Variants in SPAST observed in about 807,000 individuals in gnomAD.
SPAST encodes spastin.
SPAST carries 30 observed loss-of-function variants against 76.6 expected under a neutral mutation model. The observed-to-expected ratio is 0.39, with a 90% CI of 0.29 to 0.53. The LOEUF is 0.53. Among genes scored for constraint, SPAST ranks in the 20% least tolerant of loss-of-function variants. The pLI is 0.68. For missense variants in SPAST, 717 were observed against 770.5 expected, an observed-to-expected ratio of 0.93 and a Z score of 0.82; for synonymous variants, 305 against 281.0, an observed-to-expected ratio of 1.09 and a Z score of -0.86.
At position 32,141,895 on chromosome 2, in the gene SPAST, T is replaced by A; in HGVS notation, c.1494-9T>A. 6.2e-7 allele frequency: 1 copy of A among 1,608,648 alleles called. No individual in the cohort carries two copies. The highest frequency in any genetic ancestry group is 1.3e-5 in the African/African-American group (1 of 74,908). On this transcript the variant is annotated splice_polypyrimidine_tract_variant and intron_variant, in intron 12 of 16. Transcript: ENST00000315285. ...TATATTTCTAAAAGTGCTGGATTTT[T>A]TTTTTTAGGCGTTTCATCAAACGGG...
At chr2:32,129,527 AAG>A (rs1320781002) in intron 9 of SPAST, 2 of 152,182 alleles carry the variant, frequency 1.3e-5, no homozygotes, top group African/African-American at 4.8e-5. Context: ...ACAGTGCTTA[AAG>A]AGAGTAATTT....
intron 8 of SPAST, chr2:32,127,376 C>T (rs545786930): frequency 5.6e-5 from 17 of 303,036 alleles, no homozygotes; most frequent in Non-Finnish European, 9.6e-5. Flanking sequence ...CCTGGGCCTC[C>T]TAAAGTGATG....
chr2:32,132,512 A>G (rs955705675), intron 9 of SPAST, among the ~76,000 whole-genome samples: 4 of 149,486 alleles, frequency 2.7e-5, no homozygotes, highest in African/African-American at 9.8e-5. Context: ...TACATACTTG[A>G]TTTAACAAAA....
In SPAST at chr2:32,154,725, C is replaced by A. The variant is rs1573187140; in HGVS notation, c.*229C>A. ...CCTTGCCTTGATGGTCACAGTTATC[C>A]CAATGGACACTAAGTTAGAGCACAA... is the stretch of plus-strand genomic sequence containing the variant. On this transcript the variant is annotated 3_prime_UTR_variant, in exon 17 of 17. Coordinates refer to ENST00000315285, the MANE Select transcript of SPAST (RefSeq NM_014946.4). The A allele has an allele frequency of 1.9e-6, 1 of 519,108 alleles. No individual in the cohort carries two copies. 32.2% of individuals were successfully genotyped at this position (519,108 alleles called of 1,614,324 possible).
chr2:32,070,951 A>G (rs909054596), intron 1 of SPAST, among the ~76,000 whole-genome samples: 2 of 152,260 alleles, frequency 1.3e-5, no homozygotes, highest in African/African-American at 4.8e-5. Flanking sequence ...AGCAGAAACA[A>G]AAATAGAATT....
intron 4 of SPAST, among the ~76,000 whole-genome samples, chr2:32,102,685 G>A (rs77408012): frequency 0.3 from 44,428 of 149,862 alleles, 5,937 homozygotes; most frequent in East Asian, 0.49. Context: ...ATGAAGGGCT[G>A]TTGAATTTTG....
intron 15 of SPAST, among the ~76,000 whole-genome samples, chr2:32,146,552 TAGTG>T (rs1383296818): frequency 1.3e-5 from 2 of 149,784 alleles, no homozygotes; most frequent in Non-Finnish European, 1.5e-5. Flanking sequence ...GTGGGTGACA[TAGTG>T]AGGTGCTGTC....
At chr2:32,144,875 A>C in intron 14 of SPAST, 62 bp from the exon 15 acceptor site, 1 of 1,159,592 alleles carries the variant, frequency 8.6e-7, no homozygotes, top group Non-Finnish European at 1.3e-6. Context: ...CAAGAGCAAA[A>C]CTCCATCTCA....
intron 4 of SPAST, among the ~76,000 whole-genome samples, chr2:32,101,084 A>C (rs1678102893): frequency 6.6e-6 from 1 of 152,208 alleles, no homozygotes; most frequent in Admixed American, 6.5e-5. Context: ...TCAACAGTGT[A>C]AAAGTGTTCC....
chr2:32,130,230 G>C (rs1240987367), intron 9 of SPAST: 1 of 152,268 alleles, frequency 6.6e-6, no homozygotes. Flanking sequence ...AGGAGGTTGA[G>C]GTTGCAGTGA....
intron 1 of SPAST, among the ~76,000 whole-genome samples, chr2:32,069,008 G>A (rs1226802050): frequency 4.6e-5 from 7 of 151,876 alleles, no homozygotes; most frequent in African/African-American, 1.2e-4. Context: ...TCAGAAGTTC[G>A]CGACCAGCCT....
intron 3 of SPAST, 43 bp downstream of exon 3, chr2:32,089,648 G>T (rs374764997): frequency 9.9e-7 from 1 of 1,010,564 alleles, no homozygotes; most frequent in Non-Finnish European, 1.6e-6. Context: ...TATTGGAAAT[G>T]TGTGTTCAAT....
intron 3 of SPAST, among the ~76,000 whole-genome samples, chr2:32,096,743 T>A (rs1677930859): frequency 6.6e-6 from 1 of 152,232 alleles, no homozygotes; most frequent in African/African-American, 2.4e-5. Flanking sequence ...TTAATTCACA[T>A]TTATGTACGG....
rs564306726 is a variant in SPAST at position 32,115,163 on chromosome 2, G to A, written c.870+338G>A. Among the ~76,000 whole-genome samples, 9 of 151,948 alleles carry A rather than the reference G, an allele frequency of 5.9e-5. No individual in the cohort carries two copies. The South Asian group carries it at 1.9e-3, about 32-fold the overall frequency. On this transcript the variant is annotated intron_variant, in intron 5 of 16. Transcript: ENST00000315285. ...GGGTTTCTCCATGTTGGTCAGGCTG[G>A]TCTCAAACTCCCGACCTCAGGTGAT... is the stretch of plus-strand genomic sequence containing the variant.
At chr2:32,120,677 A>C (rs997818509) in intron 7 of SPAST, among the ~76,000 whole-genome samples, 1 of 150,320 alleles carries the variant, frequency 6.7e-6, no homozygotes, top group Non-Finnish European at 1.5e-5. Flanking sequence ...GTTGTTCTCT[A>C]ATCTGTCTTC....
intron 8 of SPAST, 181 bp downstream of exon 8, chr2:32,127,203 C>T (rs1268243893): frequency 1.9e-5 from 11 of 591,876 alleles, no homozygotes; most frequent in Middle Eastern, 9.2e-4. Context: ...CCGCAACCTC[C>T]GCCTCCTGGG....
At position 32,087,091 on chromosome 2, in the gene SPAST, A is replaced by G. The variant is rs117146999; in HGVS notation, c.416-401A>G. Among the ~76,000 whole-genome samples the G allele has an allele frequency of 3.9e-5, 6 of 152,334 alleles. No individual in the cohort carries two copies. In the East Asian group the frequency reaches 1.2e-3, roughly 29 times the overall value. On this transcript the variant is annotated intron_variant, in intron 1 of 16. Coordinates refer to ENST00000315285, the MANE Select transcript of SPAST (RefSeq NM_014946.4). ...TCCTCTAGAGAGGAGGTACCCAGCA[A>G]TGAACACATTATATCAGATTTGAAT...
At chr2:32,081,181 A>G (rs1444453651) in intron 1 of SPAST, among the ~76,000 whole-genome samples, 2 of 150,678 alleles carry the variant, frequency 1.3e-5, no homozygotes, top group African/African-American at 2.4e-5. Flanking sequence ...CTGGTCTCGA[A>G]CTCCTGATCT....
At chr2:32,072,158 T>G (rs963103458) in intron 1 of SPAST, among the ~76,000 whole-genome samples, 2 of 152,180 alleles carry the variant, frequency 1.3e-5, no homozygotes, top group Non-Finnish European at 2.9e-5. Flanking sequence ...TTCTCCTGCC[T>G]CAGCCTCCTG....
Sources: allele counts gnomAD v4.1 joint callset (sites outside exome capture counted in the v4.1 genomes callset), GRCh38; gene constraint gnomAD v4.1.1; transcripts MANE v1.5; gene names NCBI Gene and HGNC (gene_info 2026-07-23, HGNC 2026-07-21).